The following SWT1 variants were observed in gnomAD, a reference collection of about 807,000 sequenced individuals.
SWT1 encodes SWT1 RNA endoribonuclease homolog.
Under a neutral mutation model 107.3 loss-of-function variants are expected in SWT1, and 33 were observed. That is an observed-to-expected ratio of 0.31 (90% CI 0.23 to 0.41). The LOEUF is 0.41. Among genes scored for constraint, SWT1 ranks in the 10% least tolerant of loss-of-function variants. The probability of loss-of-function intolerance (pLI) is 1.00; values close to 1 mark genes in which losing one functional copy is unlikely to be tolerated. For missense variants in SWT1, 898 were observed against 1,028.9 expected (o/e 0.87, Z 1.74); for synonymous variants, 345 against 348.3 (o/e 0.99, Z 0.11).
intron 16 of SWT1, among the ~76,000 whole-genome samples, chr1:185,243,642 A>G (rs2102617117): frequency 6.6e-6 from 1 of 152,322 alleles, no homozygotes; most frequent in Non-Finnish European, 1.5e-5. Flanking sequence ...AAACATTTTG[A>G]TGCGCCAATC....
intron 16 of SWT1, among the ~76,000 whole-genome samples, chr1:185,256,132 G>A (rs1662490156): frequency 6.6e-6 from 1 of 150,784 alleles, no homozygotes. Flanking sequence ...GGCTTGTAGG[G>A]TTTCTGCCGA....
chr1:185,242,883 T>G (rs1347090711), intron 16 of SWT1, among the ~76,000 whole-genome samples: 2 of 152,128 alleles, frequency 1.3e-5, no homozygotes, highest in Non-Finnish European at 2.9e-5. Context: ...AATGACCTAA[T>G]AAGTCAGTGA....
At chr1:185,243,332 T>A (rs1056341953) in intron 16 of SWT1, among the ~76,000 whole-genome samples, 1 of 152,070 alleles carries the variant, frequency 6.6e-6, no homozygotes, top group Non-Finnish European at 1.5e-5. Flanking sequence ...CTGGTCTTGA[T>A]CTCCTGGACT....
intron 9 of SWT1, 57 bp downstream of exon 9, chr1:185,184,988 A>G: frequency 8.3e-7 from 1 of 1,205,908 alleles, no homozygotes; most frequent in South Asian, 2.4e-5. Flanking sequence ...GTGCAGACTC[A>G]TTATTGGAGG....
At chr1:185,281,050 A>G (rs1312162875) in intron 18 of SWT1, 1 of 270,886 alleles carries the variant, frequency 3.7e-6, no homozygotes, top group East Asian at 1.1e-4. Context: ...TGAAGATGAC[A>G]AAGATGATCT....
intron 17 of SWT1, among the ~76,000 whole-genome samples, chr1:185,272,782 T>C (rs1187528237): frequency 1.3e-5 from 2 of 152,138 alleles, no homozygotes; most frequent in Non-Finnish European, 2.9e-5. Flanking sequence ...ACGCCTGTAA[T>C]CCTAGCACTT....
chr1:185,210,829 T>C (rs1382648182), intron 13 of SWT1, among the ~76,000 whole-genome samples: 1 of 152,182 alleles, frequency 6.6e-6, no homozygotes, highest in Non-Finnish European at 1.5e-5. Context: ...CTTAAGCTGA[T>C]AAGCAACTTC....
chr1:185,185,621 A>T (rs1656403428), intron 9 of SWT1, among the ~76,000 whole-genome samples: 1 of 152,086 alleles, frequency 6.6e-6, no homozygotes, highest in Admixed American at 6.6e-5. Context: ...CATTATTTTA[A>T]ATACCACGGA....
At chr1:185,236,494 G>T (rs904290329) in intron 16 of SWT1, among the ~76,000 whole-genome samples, 2 of 152,168 alleles carry the variant, frequency 1.3e-5, no homozygotes, top group African/African-American at 4.8e-5. Flanking sequence ...AATAAATGGT[G>T]TTGGGAAAAC....
At chr1:185,171,941 G>A (rs1041923113) in intron 4 of SWT1, among the ~76,000 whole-genome samples, 3 of 152,144 alleles carry the variant, frequency 2.0e-5, no homozygotes, top group Non-Finnish European at 4.4e-5. Flanking sequence ...ATTCATGCAT[G>A]CATATATGAT....
rs10489579 is a variant in SWT1 at position 185,174,589 on chromosome 1, A to G, written c.442A>G (p.Ile148Val). The G allele has an allele frequency of 0.37, 592,070 of 1,606,984 alleles. 113,320 individuals are homozygous for G. Among genetic ancestry groups the G allele is most frequent in the African/African-American group, 0.65 (48,693 of 74,438 alleles). ...TGCTGGGAGCAAGCTTGACCATGGA[A>G]TTAAAAGCCTTAGTAGTCCTAAGAT... is the stretch of plus-strand genomic sequence containing the variant. ...TNAGSKLDHG[I>V]KSLSSPKIAS... Residue 148 changes from isoleucine to valine, a missense_variant, in exon 5 of 19, where the codon ATT becomes GTT. Ile to Val is a conservative substitution (Grantham distance 29). Coordinates refer to ENST00000367500, the MANE Select transcript of SWT1 (RefSeq NM_017673.7).
At chr1:185,237,029 A>G (rs1338012143) in intron 16 of SWT1, among the ~76,000 whole-genome samples, 2 of 152,220 alleles carry the variant, frequency 1.3e-5, no homozygotes, top group African/African-American at 4.8e-5. Context: ...CACCTGTTAG[A>G]ATGGCGATCA....
intron 16 of SWT1, among the ~76,000 whole-genome samples, chr1:185,246,284 T>C (rs1571606081): frequency 6.6e-6 from 1 of 152,182 alleles, no homozygotes; most frequent in South Asian, 2.1e-4. Context: ...CTTTAAATTT[T>C]TATTTTTTCT....
intron 7 of SWT1, among the ~76,000 whole-genome samples, chr1:185,183,324 T>A (rs1444449499): frequency 1.3e-5 from 2 of 152,100 alleles, no homozygotes; most frequent in East Asian, 3.9e-4. Context: ...AGACGGAGTG[T>A]CCTTCTGTCA....
At chr1:185,218,699 G>A (rs972707799) in intron 14 of SWT1, among the ~76,000 whole-genome samples, 2 of 152,086 alleles carry the variant, frequency 1.3e-5, no homozygotes, top group Non-Finnish European at 2.9e-5. Flanking sequence ...AAAAAAAATA[G>A]GACTTGCTTT....
intron 12 of SWT1, 106 bp downstream of exon 12, chr1:185,204,969 CTG>C: frequency 1.6e-6 from 1 of 608,310 alleles, no homozygotes. Context: ...ATTGAATAAT[CTG>C]TATCATGTTA....
intron 9 of SWT1, among the ~76,000 whole-genome samples, chr1:185,187,545 G>A (rs1656597146): frequency 6.6e-6 from 1 of 152,062 alleles, no homozygotes; most frequent in African/African-American, 2.4e-5. Flanking sequence ...GAATAAGAAA[G>A]ATAAACCCTA....
At chr1:185,192,353 AC>A (rs1299891168) in intron 10 of SWT1, among the ~76,000 whole-genome samples, 9 of 152,244 alleles carry the variant, frequency 5.9e-5, no homozygotes, top group African/African-American at 2.2e-4. Flanking sequence ...GTCACCTCCT[AC>A]CCATTTGCTA....
chr1:185,206,559 T>G, intron 12 of SWT1, 66 bp from the exon 13 acceptor site: 1 of 961,316 alleles, frequency 1.0e-6, no homozygotes, highest in South Asian at 3.1e-5. Context: ...AATTCCTAAA[T>G]AGGTACTTTT....
Sources: gnomAD v4.1 joint callset for allele counts (sites outside exome capture counted in the v4.1 genomes callset) on GRCh38, gnomAD v4.1.1 for gene constraint, MANE v1.5 for transcripts, NCBI Gene and HGNC (gene_info 2026-07-23, HGNC 2026-07-21) for gene names.